Variants in SYNGR1 observed in about 807,000 individuals in gnomAD.
The protein encoded by SYNGR1 is synaptogyrin 1.
Under a neutral mutation model 26.1 loss-of-function variants are expected in SYNGR1, and 14 were observed. That is an observed-to-expected ratio of 0.54 (90% CI 0.35 to 0.84). SYNGR1 has a LOEUF of 0.84. Among genes scored for constraint, SYNGR1 ranks in the 40% least tolerant of loss-of-function variants. The probability of loss-of-function intolerance (pLI) is 0.01; values close to 1 mark genes in which losing one functional copy is unlikely to be tolerated. For missense variants in SYNGR1, 319 were observed against 332.9 expected, an observed-to-expected ratio of 0.96 and a Z score of 0.33; for synonymous variants, 141 against 150.1, an observed-to-expected ratio of 0.94 and a Z score of 0.44.
At chr22:39,361,984 C>T (rs1924494699) in intron 1 of SYNGR1, among the ~76,000 whole-genome samples, 1 of 150,558 alleles carries the variant, frequency 6.6e-6, no homozygotes, top group Admixed American at 6.6e-5. Flanking sequence ...CAAGTGAGCC[C>T]TCTCTGGGTC....
At chr22:39,379,876 C>T (rs1222549216) in intron 3 of SYNGR1, 1 of 152,188 alleles carries the variant, frequency 6.6e-6, no homozygotes, top group Non-Finnish European at 1.5e-5. Flanking sequence ...ACGGGCACTT[C>T]CTTTTCTAGG....
chr22:39,367,264 G>A (rs1487731286), intron 1 of SYNGR1, among the ~76,000 whole-genome samples: 1 of 152,230 alleles, frequency 6.6e-6, no homozygotes, highest in Non-Finnish European at 1.5e-5. Flanking sequence ...AACGGCTGAT[G>A]TCAAGCCCCA....
intron 1 of SYNGR1, among the ~76,000 whole-genome samples, chr22:39,373,664 G>A (rs540407945): frequency 2.0e-5 from 3 of 151,506 alleles, no homozygotes; most frequent in African/African-American, 7.3e-5. Flanking sequence ...TTATTTTTTA[G>A]TAGGGGCGGG....
At chr22:39,360,615 C>T (rs1325654734) in intron 1 of SYNGR1, among the ~76,000 whole-genome samples, 1 of 152,174 alleles carries the variant, frequency 6.6e-6, no homozygotes, top group African/African-American at 2.4e-5. Context: ...TCACCCCGCT[C>T]GTCCTCTCTT....
chr22:39,355,061 T>G (rs1311873934), intron 1 of SYNGR1, among the ~76,000 whole-genome samples: 2 of 152,144 alleles, frequency 1.3e-5, no homozygotes, highest in African/African-American at 4.8e-5. Context: ...CAGTGCCAGC[T>G]GAGTGCTCAG....
chr22:39,369,866 T>G (rs1334701933), intron 1 of SYNGR1, among the ~76,000 whole-genome samples: 2 of 152,184 alleles, frequency 1.3e-5, no homozygotes, highest in Non-Finnish European at 2.9e-5. Context: ...ACTGCCCACC[T>G]CTGTGCCCAT....
In SYNGR1 at chr22:39,361,511, C is replaced by G. The variant is rs111234227; in HGVS notation, c.99+11402C>G. Among the ~76,000 whole-genome samples, 332 of 152,186 alleles carry G rather than the reference C, an allele frequency of 2.2e-3. 2 individuals are homozygous for G. Among genetic ancestry groups the G allele is most frequent in the African/African-American group, 7.7e-3 (321 of 41,520 alleles). On this transcript the variant is annotated intron_variant, in intron 1 of 3. Coordinates refer to ENST00000328933, the MANE Select transcript of SYNGR1 (RefSeq NM_004711.5). ...TAGCTGAGATTACAGGCATCCACCACCATGCCTGGCTAATTTTTTTTGTAT... is the reference window on the plus strand; with the variant it reads ...TAGCTGAGATTACAGGCATCCACCAGCATGCCTGGCTAATTTTTTTTGTAT...
Position 39,350,169 on chromosome 22 carries a change from C to T in SYNGR1, c.99+60C>T. The T allele has an allele frequency of 8.2e-7, 1 of 1,224,570 alleles. No homozygotes were observed. Among genetic ancestry groups the T allele is most frequent in the Non-Finnish European group, 1.1e-6 (1 of 951,008 alleles). The allele number at this position is 1,224,570 out of a possible 1,614,324, so 75.9% of individuals were successfully genotyped here. On this transcript the variant is annotated intron_variant, in intron 1 of 3. Coordinates refer to ENST00000328933, the MANE Select transcript of SYNGR1 (RefSeq NM_004711.5). The surrounding 1 kb of genome is among the most constrained non-coding windows in gnomAD (Gnocchi z 4.3). ...GGGGTGGTGGGGGTGTGAGCAAAGG[C>T]GGCGCGCCCGGACCGACCCCGACCC...
chr22:39,373,688 G>C (rs1177365221), intron 1 of SYNGR1, among the ~76,000 whole-genome samples: 2 of 151,754 alleles, frequency 1.3e-5, no homozygotes, highest in African/African-American at 4.8e-5. Flanking sequence ...TTGCCATGTT[G>C]CCCAGGCTGG....
In SYNGR1 at chr22:39,384,811, G is replaced by T; in HGVS notation, c.*2897G>T. ...GTTTCACATAAGTGTAGAGTCGCAAGGACGCTTAGAGTCGGCAGAGTCTGG... is the reference window on the plus strand; with the variant it reads ...GTTTCACATAAGTGTAGAGTCGCAATGACGCTTAGAGTCGGCAGAGTCTGG... On this transcript the variant is annotated 3_prime_UTR_variant, in exon 4 of 4. Transcript: ENST00000328933. The T allele has an allele frequency of 2.5e-6, 1 of 399,090 alleles. No homozygotes were observed. The highest frequency in any genetic ancestry group is 3.6e-5 in the East Asian group (1 of 28,150). 24.7% of individuals were successfully genotyped at this position (399,090 alleles called of 1,614,324 possible). A position where few individuals can be genotyped will look rare whatever the true frequency, so the allele number is the denominator to read the frequency against.
Position 39,350,167 on chromosome 22 carries a change from G to A in SYNGR1, c.99+58G>A. ...CCGGGGTGGTGGGGGTGTGAGCAAA[G>A]GCGGCGCGCCCGGACCGACCCCGAC... On this transcript the variant is annotated intron_variant, in intron 1 of 3. Coordinates refer to ENST00000328933, the MANE Select transcript of SYNGR1 (RefSeq NM_004711.5). The surrounding 1 kb of genome is among the most constrained non-coding windows in gnomAD (Gnocchi z 4.3). The A allele has an allele frequency of 8.0e-7, 1 of 1,251,738 alleles. No homozygotes were observed. The highest frequency in any genetic ancestry group is 1.0e-6 in the Non-Finnish European group (1 of 968,790). The allele number at this position is 1,251,738 out of a possible 1,614,324, so 77.5% of individuals were successfully genotyped here. A position where few individuals can be genotyped will look rare whatever the true frequency, so the allele number is the denominator to read the frequency against.
intron 1 of SYNGR1, among the ~76,000 whole-genome samples, chr22:39,359,782 C>T (rs79951272): frequency 0.083 from 12,645 of 152,036 alleles, 748 homozygotes; most frequent in Non-Finnish European, 0.11. Flanking sequence ...TGGTCTTGTC[C>T]GCCAGCCTCA....
chr22:39,374,869 T>C, intron 2 of SYNGR1: 3 of 442,196 alleles, frequency 6.8e-6, no homozygotes, highest in South Asian at 6.3e-5. Flanking sequence ...TTCAGTGGCC[T>C]CTTCTGTGCC....
At chr22:39,353,451 C>T (rs1475323643) in intron 1 of SYNGR1, among the ~76,000 whole-genome samples, 4 of 152,216 alleles carry the variant, frequency 2.6e-5, no homozygotes, top group East Asian at 1.9e-4. Flanking sequence ...GCAGCTGGGA[C>T]GATGAGGCGA....
chr22:39,373,296 G>A (rs1925117373), intron 1 of SYNGR1, among the ~76,000 whole-genome samples: 1 of 151,556 alleles, frequency 6.6e-6, no homozygotes, highest in Admixed American at 6.6e-5. Context: ...AGCCTCCCGA[G>A]TAGCTGGGAT....
intron 1 of SYNGR1, among the ~76,000 whole-genome samples, chr22:39,353,983 C>T (rs1232348032): frequency 2.0e-5 from 3 of 152,170 alleles, no homozygotes; most frequent in Non-Finnish European, 2.9e-5. Flanking sequence ...CCTGCCTCAG[C>T]CTCCCAAATA....
Position 39,384,962 on chromosome 22 carries a change from C to T in SYNGR1, c.*3048C>T, listed in dbSNP as rs1469008768. On this transcript the variant is annotated 3_prime_UTR_variant, in exon 4 of 4. Transcript: ENST00000328933. ...CTGTCCTGCCTGCACGGCTCCTATC[C>T]ACCTGGGGGTGTCGCAGTTGAGGGG... 7 of 398,758 alleles carry T rather than the reference C, an allele frequency of 1.8e-5. No homozygotes were observed. The East Asian group carries it at 2.1e-4, about 12-fold the overall frequency. 24.7% of individuals were successfully genotyped at this position (398,758 alleles called of 1,614,324 possible). A position where few individuals can be genotyped will look rare whatever the true frequency, so the allele number is the denominator to read the frequency against.
intron 1 of SYNGR1, among the ~76,000 whole-genome samples, chr22:39,351,712 G>A (rs1569172496): frequency 6.6e-6 from 1 of 152,244 alleles, no homozygotes; most frequent in African/African-American, 2.4e-5. Context: ...ATTTAGCAAA[G>A]CTTTATTGAA....
intron 3 of SYNGR1, chr22:39,377,360 G>A: frequency 1.3e-5 from 13 of 985,462 alleles, no homozygotes; most frequent in Non-Finnish European, 1.4e-5. Context: ...GACTGGGTAG[G>A]AAGAACCAGG....
Sources: gnomAD v4.1 joint callset for allele counts (sites outside exome capture counted in the v4.1 genomes callset) on GRCh38, gnomAD v4.1.1 for gene constraint, Gnocchi (gnomAD v3.1) non-coding constraint, MANE v1.5 for transcripts, NCBI Gene and HGNC (gene_info 2026-07-23, HGNC 2026-07-21) for gene names.